The following TESK2 variants were observed in gnomAD, a reference collection of about 807,000 sequenced individuals.
The protein encoded by TESK2 is dual specificity testis-specific protein kinase 2.
In TESK2, 39 loss-of-function variants were observed where a neutral mutation model predicts 57.1. That is an observed-to-expected ratio of 0.68 (90% CI 0.53 to 0.89). The LOEUF is 0.89. TESK2 is among the 40% of genes least tolerant of loss of function. The pLI is 0.00. For missense variants in TESK2, 646 were observed against 732.1 expected (o/e 0.88, Z 1.36); for synonymous variants, 249 against 267.9 (o/e 0.93, Z 0.69).
In TESK2 at chr1:45,355,444, G is replaced by T; in HGVS notation, c.399C>A (p.Ile133=). The change falls in exon 5 of 11, where the codon ATC becomes ATA. Residue 133 remains isoleucine (I), a synonymous_variant. Transcript: ENST00000372086. ...QGQLHALTEY[I]NSGNLEQLLD... ...GCAACTGTTCCAGGTTCCCGGAGTT[G>T]ATATACTGCAAAACAGAAGGAAAAC... is the stretch of plus-strand genomic sequence containing the variant. The T allele has an allele frequency of 1.2e-6, 2 of 1,605,592 alleles. No homozygotes were observed. The highest frequency in any genetic ancestry group is 1.7e-6 in the Non-Finnish European group (2 of 1,177,164).
At position 45,491,015 on chromosome 1, in the gene TESK2, C is replaced by G. The variant is rs1410024774; in HGVS notation, c.-250G>C. The G allele has an allele frequency of 6.6e-6, 1 of 152,318 alleles. No individual in the cohort carries two copies. Among genetic ancestry groups the G allele is most frequent in the East Asian group, 1.9e-4 (1 of 5,182 alleles). 9.4% of individuals were successfully genotyped at this position (152,318 alleles called of 1,614,324 possible). On this transcript the variant is annotated 5_prime_UTR_variant, in exon 1 of 11. Coordinates refer to ENST00000372086, the MANE Select transcript of TESK2 (RefSeq NM_007170.3). ...CGCAGAAGCCGGCGACTCAGCTAGGCTAGCGGCGGCGGCGAACGAGGAGAC... is the reference window on the plus strand; with the variant it reads ...CGCAGAAGCCGGCGACTCAGCTAGGGTAGCGGCGGCGGCGAACGAGGAGAC...
At chr1:45,441,104 A>G (rs1651425995) in intron 2 of TESK2, among the ~76,000 whole-genome samples, 1 of 152,194 alleles carries the variant, frequency 6.6e-6, no homozygotes. Context: ...AAAAGATATA[A>G]TAAATATATG....
At position 45,411,831 on chromosome 1, in the gene TESK2, T is replaced by C. The variant is rs118100391; in HGVS notation, c.344+9894A>G. On this transcript the variant is annotated intron_variant, in intron 3 of 10. Coordinates refer to ENST00000372086, the MANE Select transcript of TESK2 (RefSeq NM_007170.3). ...ACTGCAATGCCACGATCTCAGGGAA[T>C]TGATTTTGTCTGTGCAGCTGGCAGG... Among the ~76,000 whole-genome samples the C allele has an allele frequency of 1.2e-4, 18 of 152,294 alleles. No individual in the cohort carries two copies. In the East Asian group the frequency reaches 2.9e-3, roughly 25 times the overall value.
intron 2 of TESK2, among the ~76,000 whole-genome samples, chr1:45,428,979 G>A (rs1650833741): frequency 6.6e-6 from 1 of 151,536 alleles, no homozygotes; most frequent in Non-Finnish European, 1.5e-5. Flanking sequence ...GTGCCACCAT[G>A]CCCGACTAAT....
chr1:45,470,899 G>A (rs893690589), intron 1 of TESK2, among the ~76,000 whole-genome samples: 5 of 152,082 alleles, frequency 3.3e-5, no homozygotes, highest in African/African-American at 9.7e-5. Context: ...ATGTGTAAAC[G>A]AAGGCATTAA....
intron 8 of TESK2, 47 bp from the exon 9 acceptor site, chr1:45,346,826 C>T (rs745324818): frequency 1.3e-6 from 2 of 1,580,044 alleles, no homozygotes; most frequent in East Asian, 2.2e-5. Flanking sequence ...ATTAATCCCC[C>T]CACCCATCCT....
At chr1:45,475,929 C>G (rs993429473) in intron 1 of TESK2, among the ~76,000 whole-genome samples, 1 of 152,196 alleles carries the variant, frequency 6.6e-6, no homozygotes, top group Non-Finnish European at 1.5e-5. Flanking sequence ...TTGCCAGGGG[C>G]TCTCAGGCCT....
chr1:45,432,640 G>A (rs956344154), intron 2 of TESK2, among the ~76,000 whole-genome samples: 4 of 149,190 alleles, frequency 2.7e-5, no homozygotes, highest in Non-Finnish European at 5.9e-5. Flanking sequence ...GCAGTGAGCC[G>A]AGATCAAGCC....
intron 1 of TESK2, among the ~76,000 whole-genome samples, chr1:45,469,932 A>G (rs1652698269): frequency 6.6e-6 from 1 of 152,244 alleles, no homozygotes; most frequent in South Asian, 2.1e-4. Flanking sequence ...CTAGAAAGCT[A>G]TCTACCAACA....
At position 45,436,178 on chromosome 1, in the gene TESK2, C is replaced by CTTTTTTTTTTTTTTT. The variant is rs1557573084; in HGVS notation, c.223-14333_223-14332insAAAAAAAAAAAAAAA. ...TTTCTGTGAAAAATGACATTGGTATCTTCTTTTTTTTTTTTTTTTTTTTTG... is the reference window on the plus strand; with the variant it reads ...TTTCTGTGAAAAATGACATTGGTATCTTTTTTTTTTTTTTTTTCTTTTTTTTTTTTTTTTTTTTTG... On this transcript the variant is annotated intron_variant, in intron 2 of 10. Coordinates refer to ENST00000372086, the MANE Select transcript of TESK2 (RefSeq NM_007170.3). Among the ~76,000 whole-genome samples the CTTTTTTTTTTTTTTT allele has an allele frequency of 7.7e-4, 10 of 12,996 alleles. 2 individuals carry two copies. Among genetic ancestry groups the CTTTTTTTTTTTTTTT allele is most frequent in the Non-Finnish European group, 1.4e-3 (7 of 4,872 alleles). 8.5% of individuals were successfully genotyped at this position (12,996 alleles called of 152,430 possible). A position where few individuals can be genotyped will look rare whatever the true frequency, so the allele number is the denominator to read the frequency against.
intron 4 of TESK2, among the ~76,000 whole-genome samples, chr1:45,360,943 G>A (rs559573172): frequency 2.6e-5 from 4 of 152,156 alleles, no homozygotes; most frequent in African/African-American, 4.8e-5. Context: ...TCAGCTTCCC[G>A]TGTAGCTGGG....
intron 3 of TESK2, among the ~76,000 whole-genome samples, chr1:45,388,013 T>C (rs889566889): frequency 3.3e-5 from 5 of 151,956 alleles, no homozygotes; most frequent in African/African-American, 1.2e-4. Flanking sequence ...GCCTCAAAAA[T>C]AAATAAATTG....
Position 45,420,890 on chromosome 1 carries a change from A to AT in TESK2, c.344+834dup, listed in dbSNP as rs920889387. Reference sequence around the variant, plus strand: ...GGCGTGAGCCATCGCGCCCAGCCAAATTTTTTTTAAAAAGAAAATATACTT... The same window carrying AT: ...GGCGTGAGCCATCGCGCCCAGCCAAATTTTTTTTTAAAAAGAAAATATACTT... On this transcript the variant is annotated intron_variant, in intron 3 of 10. Transcript: ENST00000372086. 1.5e-4 allele frequency among the ~76,000 whole-genome samples: 23 copies of AT among 152,198 alleles called. No homozygotes were observed. The East Asian group carries it at 4.1e-3, about 27-fold the overall frequency.
At chr1:45,384,595 T>TA (rs1432378887) in intron 4 of TESK2, among the ~76,000 whole-genome samples, 2 of 72,906 alleles carry the variant, frequency 2.7e-5, no homozygotes, top group Non-Finnish European at 5.3e-5. Flanking sequence ...AATTATTAAT[T>TA]TTTTTTTTTT....
chr1:45,401,025 T>TA (rs376070354), intron 3 of TESK2, among the ~76,000 whole-genome samples: 82,077 of 124,050 alleles, frequency 0.66, 28,218 homozygotes, highest in Non-Finnish European at 0.77. Context: ...GACTCTGTCT[T>TA]AAAAAAAAAA....
intron 2 of TESK2, among the ~76,000 whole-genome samples, chr1:45,432,560 A>G (rs1398669535): frequency 2.0e-5 from 3 of 149,942 alleles, no homozygotes; most frequent in Non-Finnish European, 4.4e-5. Flanking sequence ...GCATGGTGGC[A>G]GGCGCCTGTA....
rs769414518 is a variant in TESK2 at position 45,345,911 on chromosome 1, C to T, written c.963G>A (p.Gln321=). 2.5e-6 allele frequency: 4 copies of T among 1,614,160 alleles called. No homozygotes were observed. Among genetic ancestry groups the T allele is most frequent in the Non-Finnish European group, 3.4e-6 (4 of 1,180,016 alleles). ...EILSRLQEEE[Q]ERDRKLQPTA... is the part of the protein sequence containing the mutation. ...TGGGCTGCAGCTTCCTATCCCTCTC[C>T]TGCTCTTCTTCCTGTAGGCGGCTCA... Residue 321 remains glutamine (Q), a synonymous_variant, in exon 10 of 11, where the codon CAG becomes CAA. Coordinates refer to ENST00000372086, the MANE Select transcript of TESK2 (RefSeq NM_007170.3).
Position 45,344,824 on chromosome 1 carries a change from C to G in TESK2, c.*16G>C. 1 of 1,593,030 alleles carries G rather than the reference C, an allele frequency of 6.3e-7. No individual in the cohort carries two copies. The highest frequency in any genetic ancestry group is 1.3e-5 in the African/African-American group (1 of 74,574). ...CTGAAGGTCCATCCCCAAGGTGAGG[C>G]AGGGACTAAACCCCCTCACCCATCC... On this transcript the variant is annotated 3_prime_UTR_variant, in exon 11 of 11. Transcript: ENST00000372086.
At chr1:45,366,662 A>G (rs544206154) in intron 4 of TESK2, among the ~76,000 whole-genome samples, 2 of 152,288 alleles carry the variant, frequency 1.3e-5, no homozygotes, top group South Asian at 4.1e-4. Flanking sequence ...ACTCAGTGAA[A>G]TTGTTGAACA....
Sources: allele counts gnomAD v4.1 joint callset (sites outside exome capture counted in the v4.1 genomes callset), GRCh38; gene constraint gnomAD v4.1.1; transcripts MANE v1.5; gene names NCBI Gene and HGNC (gene_info 2026-07-23, HGNC 2026-07-21).